RASGRF1: variants seen among roughly 807,000 people sequenced by gnomAD.
The protein encoded by RASGRF1 is ras-specific guanine nucleotide-releasing factor 1.
RASGRF1 carries 40 observed loss-of-function variants against 138.7 expected under a neutral mutation model. The observed-to-expected ratio is 0.29, with a 90% CI of 0.22 to 0.38. The LOEUF (loss-of-function observed/expected upper bound fraction) is 0.38, where lower values mean the gene tolerates loss of function less well. Among genes scored for constraint, RASGRF1 ranks in the 10% least tolerant of loss-of-function variants. The probability of loss-of-function intolerance (pLI) is 1.00; values close to 1 mark genes in which losing one functional copy is unlikely to be tolerated. For missense variants in RASGRF1, 1,108 were observed against 1,650.4 expected, an observed-to-expected ratio of 0.67 and a Z score of 5.69; for synonymous variants, 614 against 663.2, an observed-to-expected ratio of 0.93 and a Z score of 1.14.
intron 5 of RASGRF1, among the ~76,000 whole-genome samples, chr15:79,041,625 G>A (rs1400235936): frequency 6.6e-6 from 1 of 152,176 alleles, no homozygotes; most frequent in African/African-American, 2.4e-5. Context: ...GAATGTTCCA[G>A]CCAGAGAAGT....
intron 15 of RASGRF1, among the ~76,000 whole-genome samples, chr15:79,003,277 T>C (rs11629786): frequency 0.87 from 133,251 of 152,324 alleles, 58,604 homozygotes; most frequent in East Asian, 1. Flanking sequence ...TCTATGACGC[T>C]CCTAATGGTG....
At position 79,087,623 on chromosome 15, in the gene RASGRF1, G is replaced by T. The variant is rs1035439563; in HGVS notation, c.276+2600C>A. On this transcript the variant is annotated intron_variant, in intron 1 of 26. Transcript: ENST00000558480. ...TAGGCTCAAGCCTGGTCACAGAATG[G>T]CCTGGAGTTAGACCTATCATGCTAG... is the stretch of plus-strand genomic sequence containing the variant. Among the ~76,000 whole-genome samples, 3 of 152,370 alleles carry T rather than the reference G, an allele frequency of 2.0e-5. No individual in the cohort carries two copies. In the East Asian group the frequency reaches 5.8e-4, roughly 29 times the overall value.
Position 78,999,841 on chromosome 15 carries a change from G to A in RASGRF1, c.2648C>T (p.Ala883Val), listed in dbSNP as rs1214597725. 1 of 1,614,034 alleles carries A rather than the reference G, an allele frequency of 6.2e-7. No homozygotes were observed. Among genetic ancestry groups the A allele is most frequent in the Non-Finnish European group, 8.5e-7 (1 of 1,179,994 alleles). The change falls in exon 17 of 27, where the codon GCC becomes GTC. Residue 883 changes from alanine (A) to valine (V), a missense_variant. This residue lies in a region of RASGRF1 where 686 missense variants were observed against 976.7 expected (regional missense o/e 0.70). Transcript: ENST00000558480. ...SCRELDNNRS[A>V]LSAASAFAIA... ...GGCAAAGGCAGAGGCGGCCGACAAG[G>A]CACTGCGGTTATTGTCCAGTTCACG...
intron 4 of RASGRF1, among the ~76,000 whole-genome samples, chr15:79,048,028 C>T (rs539652615): frequency 1.3e-5 from 2 of 152,288 alleles, no homozygotes; most frequent in African/African-American, 2.4e-5. Flanking sequence ...TACTCTGAGG[C>T]TCCAGGAGGG....
At chr15:79,010,936 C>T (rs761024199) in intron 13 of RASGRF1, among the ~76,000 whole-genome samples, 53 of 152,288 alleles carry the variant, frequency 3.5e-4, no homozygotes, top group Middle Eastern at 3.4e-3. Flanking sequence ...ACTCGGGACA[C>T]GTGGGGCGTA....
At chr15:79,052,606 G>A (rs1375912211) in intron 3 of RASGRF1, among the ~76,000 whole-genome samples, 2 of 152,194 alleles carry the variant, frequency 1.3e-5, no homozygotes, top group Admixed American at 1.3e-4. Context: ...ATCCAACAAG[G>A]CCAGGCCAGA....
intron 20 of RASGRF1, among the ~76,000 whole-genome samples, chr15:78,993,246 ACGTGG>A (rs2056313139): frequency 2.3e-5 from 1 of 44,036 alleles, no homozygotes; most frequent in African/African-American, 9.8e-5. Context: ...GTGTGTGTGT[ACGTGG>A]TGTGTGTGGT....
intron 23 of RASGRF1, among the ~76,000 whole-genome samples, chr15:78,983,041 C>T (rs928305932): frequency 1.3e-5 from 2 of 152,202 alleles, no homozygotes; most frequent in African/African-American, 4.8e-5. Context: ...TTTAAGTGAG[C>T]AGTAAAAACT....
chr15:79,074,416 C>T (rs2057804797), intron 1 of RASGRF1, among the ~76,000 whole-genome samples: 1 of 152,186 alleles, frequency 6.6e-6, no homozygotes, highest in Non-Finnish European at 1.5e-5. Context: ...TCCAGAGATA[C>T]ATCCGAACCT....
chr15:79,052,572 A>T (rs2057447243), intron 3 of RASGRF1, among the ~76,000 whole-genome samples: 1 of 152,196 alleles, frequency 6.6e-6, no homozygotes, highest in Non-Finnish European at 1.5e-5. Flanking sequence ...GAAGGAGGTC[A>T]GGCATTCATA....
Position 78,999,760 on chromosome 15 carries a change from A to G in RASGRF1, c.2729T>C (p.Met910Thr), listed in dbSNP as rs76100557. Reference protein sequence around the residue: ...GTPNKEKYRRMSLASAGFPPD... With the variant: ...GTPNKEKYRRTSLASAGFPPD... Reference sequence around the variant, plus strand: ...CCACATACCTGCACTGGCTAAGGACATCCTCCGGTACTTCTCCTTGTTTGG... The same window carrying G: ...CCACATACCTGCACTGGCTAAGGACGTCCTCCGGTACTTCTCCTTGTTTGG... Residue 910 changes from methionine to threonine, a missense_variant, in exon 17 of 27, where the codon ATG (methionine) becomes ACG (threonine). Coordinates refer to ENST00000558480, the MANE Select transcript of RASGRF1 (RefSeq NM_001145648.3). The G allele has an allele frequency of 2.5e-6, 4 of 1,613,910 alleles. No individual in the cohort carries two copies. In the East Asian group the frequency reaches 8.9e-5, roughly 36 times the overall value.
intron 24 of RASGRF1, among the ~76,000 whole-genome samples, chr15:78,977,851 G>A (rs998082363): frequency 1.3e-5 from 2 of 152,188 alleles, no homozygotes; most frequent in African/African-American, 4.8e-5. Flanking sequence ...AACTGGAATC[G>A]GCCCCAAAAA....
chr15:79,085,900 G>A (rs1417249741), intron 1 of RASGRF1, among the ~76,000 whole-genome samples: 1 of 152,232 alleles, frequency 6.6e-6, no homozygotes, highest in African/African-American at 2.4e-5. Flanking sequence ...TTTTAGTTCA[G>A]GCTTGTGGAT....
Position 79,035,144 on chromosome 15 carries a change from G to C in RASGRF1, c.945C>G (p.Pro315=). Residue 315 remains proline (P), a synonymous_variant, in exon 6 of 27, where the codon CCC becomes CCG. Coordinates refer to ENST00000558480, the MANE Select transcript of RASGRF1 (RefSeq NM_001145648.3). ...CTGACTACTCACCCAGGACCAGCGT[G>C]GGCCAGCTGGAGATGCGGGCCTTCA... ...QGLKARISSW[P]TLVLADLFDI... 1.9e-6 allele frequency: 3 copies of C among 1,613,238 alleles called. No homozygotes were observed. The highest frequency in any genetic ancestry group is 2.5e-6 in the Non-Finnish European group (3 of 1,179,362).
chr15:79,020,594 C>T (rs996573376), intron 10 of RASGRF1, among the ~76,000 whole-genome samples: 43 of 152,302 alleles, frequency 2.8e-4, no homozygotes, highest in African/African-American at 8.9e-4. Flanking sequence ...GTTCAAGGTC[C>T]GCTGGCAAGT....
At chr15:78,997,896 G>C in intron 19 of RASGRF1, 200 bp downstream of exon 19, 1 of 586,560 alleles carries the variant, frequency 1.7e-6, no homozygotes, top group East Asian at 2.9e-5. Flanking sequence ...GGTGGGGAGA[G>C]AGGAAAGAAG....
At chr15:79,053,440 A>G (rs999646659) in intron 3 of RASGRF1, among the ~76,000 whole-genome samples, 6 of 152,326 alleles carry the variant, frequency 3.9e-5, no homozygotes, top group African/African-American at 1.4e-4. Context: ...TTAGCTCTCC[A>G]AATTTACTTC....
Position 78,999,903 on chromosome 15 carries a change from G to C in RASGRF1, c.2586C>G (p.Leu862=). The change falls in exon 17 of 27, where the codon CTC becomes CTG. Residue 862 remains leucine, a synonymous_variant. Transcript: ENST00000558480. ...TGACGACTCCATTGTTATAGGAAAAGAGTGGGAACTCTGCAGAGAGGAGGG... is the reference window on the plus strand; with the variant it reads ...TGACGACTCCATTGTTATAGGAAAACAGTGGGAACTCTGCAGAGAGGAGGG... ...VKNKNSSEFP[L]FSYNNGVVMT... 1.2e-6 allele frequency: 2 copies of C among 1,614,090 alleles called. No homozygotes were observed.
intron 1 of RASGRF1, among the ~76,000 whole-genome samples, chr15:79,072,666 G>C (rs1026284243): frequency 2.0e-5 from 3 of 152,176 alleles, no homozygotes; most frequent in Non-Finnish European, 4.4e-5. Flanking sequence ...ACCTCAGCTG[G>C]TATCGGTTCA....
Sources: allele counts gnomAD v4.1 joint callset (sites outside exome capture counted in the v4.1 genomes callset), GRCh38; gene constraint gnomAD v4.1.1; regional missense constraint gnomAD v4.1.1; transcripts MANE v1.5; gene names NCBI Gene and HGNC (gene_info 2026-07-23, HGNC 2026-07-21).